The following STXBP5L variants were observed in gnomAD, a reference collection of about 807,000 sequenced individuals.
STXBP5L encodes the protein syntaxin binding protein 5L.
STXBP5L carries 65 observed loss-of-function variants against 144.5 expected under a neutral mutation model. The observed-to-expected ratio is 0.45, with a 90% confidence interval of 0.37 to 0.55. STXBP5L has a LOEUF of 0.55. STXBP5L is among the 20% of genes least tolerant of loss of function. STXBP5L has a pLI of 0.00. For synonymous variants in STXBP5L, 505 were observed against 469.6 expected, an observed-to-expected ratio of 1.08 and a Z score of -0.97; for missense variants, 1,298 against 1,405.5, an observed-to-expected ratio of 0.92 and a Z score of 1.22.
chr3:121,098,192 C>G (rs765977072), intron 5 of STXBP5L, among the ~76,000 whole-genome samples: 7 of 152,074 alleles, frequency 4.6e-5, no homozygotes, highest in Admixed American at 2.0e-4. Context: ...TTGATGACTG[C>G]CCTTTTTCAG....
intron 19 of STXBP5L, among the ~76,000 whole-genome samples, chr3:121,291,546 A>G (rs556088811): frequency 6.6e-6 from 1 of 152,226 alleles, no homozygotes; most frequent in Admixed American, 6.5e-5. Flanking sequence ...ACAAAACTAG[A>G]AAAAACAATC....
At chr3:121,157,854 T>C in intron 9 of STXBP5L, 1 of 494,032 alleles carries the variant, frequency 2.0e-6, no homozygotes, top group Non-Finnish European at 3.3e-6. Context: ...TGTAGTTATG[T>C]ACTGTCCCAA....
At chr3:121,117,296 A>C (rs1481737208) in intron 6 of STXBP5L, among the ~76,000 whole-genome samples, 1 of 151,880 alleles carries the variant, frequency 6.6e-6, no homozygotes, top group Non-Finnish European at 1.5e-5. Flanking sequence ...CGAGTTGTAC[A>C]TGCCTCTGAA....
At chr3:121,023,416 A>G (rs1165219247) in intron 3 of STXBP5L, among the ~76,000 whole-genome samples, 1 of 152,176 alleles carries the variant, frequency 6.6e-6, no homozygotes, top group East Asian at 1.9e-4. Flanking sequence ...TATGGAACCA[A>G]AAAAGAGCCC....
At chr3:121,155,945 A>G (rs567637209) in intron 8 of STXBP5L, among the ~76,000 whole-genome samples, 1 of 152,052 alleles carries the variant, frequency 6.6e-6, no homozygotes, top group Non-Finnish European at 1.5e-5. Context: ...ACAGTTTGAG[A>G]CAACTTTAAG....
At chr3:121,068,472 A>T (rs554061239) in intron 5 of STXBP5L, among the ~76,000 whole-genome samples, 1 of 152,148 alleles carries the variant, frequency 6.6e-6, no homozygotes, top group South Asian at 2.1e-4. Flanking sequence ...TGACATTAAT[A>T]TGTATTTTTT....
chr3:121,332,068 C>CA (rs34153551), intron 20 of STXBP5L, among the ~76,000 whole-genome samples: 69,752 of 133,182 alleles, frequency 0.52, 16,718 homozygotes, highest in East Asian at 0.74. Flanking sequence ...CTTTAAGAGA[C>CA]AAAAAAAAAA....
chr3:121,276,877 T>C (rs1463263967), intron 18 of STXBP5L, among the ~76,000 whole-genome samples: 1 of 151,948 alleles, frequency 6.6e-6, no homozygotes, highest in African/African-American at 2.4e-5. Flanking sequence ...GCAGGCTTAT[T>C]ACTGTCTTCA....
chr3:121,297,363 T>A (rs2051698350), intron 19 of STXBP5L, among the ~76,000 whole-genome samples: 1 of 152,092 alleles, frequency 6.6e-6, no homozygotes, highest in Non-Finnish European at 1.5e-5. Context: ...TTGTGACTCA[T>A]AATTGAGTGG....
chr3:120,973,956 G>A (rs866745256), intron 3 of STXBP5L, among the ~76,000 whole-genome samples: 80 of 152,132 alleles, frequency 5.3e-4, no homozygotes, highest in Admixed American at 8.5e-4. Context: ...GGACATTTGG[G>A]TTGGTTCCAA....
At chr3:121,313,732 G>A (rs902495450) in intron 19 of STXBP5L, among the ~76,000 whole-genome samples, 1 of 100,320 alleles carries the variant, frequency 1.0e-5, no homozygotes, top group Non-Finnish European at 2.2e-5. Context: ...CCGGGCGGGG[G>A]GCTGACCCCC....
chr3:121,254,776 T>C, intron 15 of STXBP5L, 119 bp from the exon 16 acceptor site: 2 of 848,866 alleles, frequency 2.4e-6, no homozygotes, highest in Non-Finnish European at 3.6e-6. Flanking sequence ...GGTTAAAATG[T>C]AATTCACTTT....
chr3:121,335,578 G>A (rs114337452), intron 20 of STXBP5L, among the ~76,000 whole-genome samples: 2,203 of 152,182 alleles, frequency 0.014, 25 homozygotes, highest in Non-Finnish European at 0.021. Context: ...AACCAAAATA[G>A]CATGGGACTG....
rs908432440 is a variant in STXBP5L at position 121,423,566 on chromosome 3, AT to A, written c.*4470del. ...GATGGATGCTTTGATTTACACATTT[AT>A]CTAGAGGAGTGATTCTCAACCTTGA... is the stretch of plus-strand genomic sequence containing the variant. On this transcript the variant is annotated 3_prime_UTR_variant, in exon 27 of 27. Transcript: ENST00000471454. 1.1e-4 allele frequency: 16 copies of A among 152,224 alleles called. No homozygotes were observed. The highest frequency in any genetic ancestry group is 3.9e-4 in the African/African-American group (16 of 41,456). 9.4% of individuals were successfully genotyped at this position (152,224 alleles called of 1,614,324 possible).
rs546500875 is a variant in STXBP5L at position 121,347,522 on chromosome 3, G to A, written c.2176+28982G>A. Among the ~76,000 whole-genome samples the A allele has an allele frequency of 5.3e-5, 8 of 152,242 alleles. No homozygotes were observed. The East Asian group carries it at 9.6e-4, about 18-fold the overall frequency. On this transcript the variant is annotated intron_variant, in intron 20 of 26. Transcript: ENST00000471454. Reference sequence around the variant, plus strand: ...GTCATTTGGTAACTTGATGGGGATGGCATTGAATCTATAAATTACCTTGGG... The same window carrying A: ...GTCATTTGGTAACTTGATGGGGATGACATTGAATCTATAAATTACCTTGGG...
intron 3 of STXBP5L, among the ~76,000 whole-genome samples, chr3:120,966,778 G>A (rs762503265): frequency 1.3e-5 from 2 of 152,262 alleles, no homozygotes; most frequent in African/African-American, 2.4e-5. Flanking sequence ...AGGAGGCAGT[G>A]TGTCCGTTCT....
At chr3:120,934,697 G>C (rs1576443683) in intron 2 of STXBP5L, among the ~76,000 whole-genome samples, 2 of 151,984 alleles carry the variant, frequency 1.3e-5, no homozygotes. Context: ...AGACATTAAG[G>C]ATTCTTATTT....
intron 19 of STXBP5L, among the ~76,000 whole-genome samples, chr3:121,311,761 T>C (rs1051265472): frequency 1.2e-4 from 19 of 152,208 alleles, no homozygotes; most frequent in African/African-American, 4.3e-4. Flanking sequence ...AAAATGGCCA[T>C]ATTGCCCAAG....
At chr3:121,120,129 G>A (rs2044393272) in intron 6 of STXBP5L, among the ~76,000 whole-genome samples, 1 of 151,146 alleles carries the variant, frequency 6.6e-6, no homozygotes. Context: ...TTTAATTCAG[G>A]GTTTCCCAAA....
Sources: gnomAD v4.1 joint callset for allele counts (sites outside exome capture counted in the v4.1 genomes callset) on GRCh38, gnomAD v4.1.1 for gene constraint, MANE v1.5 for transcripts, NCBI Gene and HGNC (gene_info 2026-07-23, HGNC 2026-07-21) for gene names.